The following RTN1 variants were observed in gnomAD, a reference collection of about 807,000 sequenced individuals.
RTN1 encodes the protein reticulon-1.
A neutral mutation model predicts 65.5 loss-of-function variants in RTN1; 25 were observed. The ratio of observed to expected loss-of-function variants is 0.38; its 90% confidence interval spans 0.28 to 0.53. RTN1 has a LOEUF of 0.53. Ranked by LOEUF, RTN1 falls within the 20% of genes least tolerant of loss-of-function variation. RTN1 has a pLI of 0.79. For synonymous variants in RTN1, 471 were observed against 447.6 expected (o/e 1.05, Z -0.66); for missense variants, 983 against 1,025.4 (o/e 0.96, Z 0.57).
chr14:59,710,524 G>A (rs577817879), intron 3 of RTN1, among the ~76,000 whole-genome samples: 56 of 152,346 alleles, frequency 3.7e-4, no homozygotes, highest in African/African-American at 1.3e-3. Flanking sequence ...TGTTGAGCAT[G>A]GGGGGAATAA....
In RTN1 at chr14:59,603,096, C is replaced by A; in HGVS notation, c.2257G>T (p.Val753Leu). ...QAQIDQYLGL[V>L]RTHINAVVAK... ...ACAACAGCATTTATGTGAGTCCTCACAAGTCCCAGATATTGGTCAATCTGT... is the reference window on the plus strand; with the variant it reads ...ACAACAGCATTTATGTGAGTCCTCAAAAGTCCCAGATATTGGTCAATCTGT... The change falls in exon 8 of 9, where the codon GTG (valine) becomes TTG (leucine). Residue 753 changes from valine (V) to leucine (L), a missense_variant. Around this residue, in one of 2 missense-constraint regions of RTN1, gnomAD observed 165 missense variants for 223.6 expected, o/e 0.74. Coordinates refer to ENST00000267484, the MANE Select transcript of RTN1 (RefSeq NM_021136.3). The A allele has an allele frequency of 6.2e-7, 1 of 1,613,398 alleles. No individual in the cohort carries two copies. Among genetic ancestry groups the A allele is most frequent in the Non-Finnish European group, 8.5e-7 (1 of 1,179,744 alleles).
chr14:59,835,536 C>A (rs972587498), intron 1 of RTN1, among the ~76,000 whole-genome samples: 3 of 152,182 alleles, frequency 2.0e-5, no homozygotes, highest in Admixed American at 6.5e-5. Context: ...TGTTCAGCAA[C>A]TTCTCTGTTC....
chr14:59,745,861 T>C lies in RTN1; in HGVS notation c.862A>G (p.Ile288Val), dbSNP rs762444306. The C allele has an allele frequency of 1.7e-5, 28 of 1,614,010 alleles. No individual in the cohort carries two copies. Among genetic ancestry groups the C allele is most frequent in the Non-Finnish European group, 2.3e-5 (27 of 1,180,022 alleles). The part of the protein sequence containing the change: ...TTPVKITLTE[I>V]EPSVETTTQE... The stretch of plus-strand genomic sequence containing the variant: ...GTAGTGGTTTCAACAGAAGGTTCTA[T>C]TTCCGTCAGTGTGATTTTGACAGGG... The change falls in exon 2 of 9, where the codon ATA becomes GTA. Residue 288 changes from isoleucine (I) to valine (V), a missense_variant. Ile to Val is a conservative substitution (Grantham distance 29). Around this residue, in one of 2 missense-constraint regions of RTN1, gnomAD observed 818 missense variants for 801.8 expected, o/e 1.02. Transcript: ENST00000267484.
intron 1 of RTN1, among the ~76,000 whole-genome samples, chr14:59,760,799 G>A (rs1334458135): frequency 2.0e-5 from 3 of 152,124 alleles, no homozygotes; most frequent in Non-Finnish European, 4.4e-5. Flanking sequence ...TTTTTGTTTG[G>A]TAAGTACTTA....
At position 59,605,429 on chromosome 14, in the gene RTN1, T is replaced by C; in HGVS notation, c.2051A>G (p.Asn684Ser). 6.2e-7 allele frequency: 1 copy of C among 1,614,214 alleles called. No homozygotes were observed. Among genetic ancestry groups the C allele is most frequent in the Non-Finnish European group, 8.5e-7 (1 of 1,180,014 alleles). The change falls in exon 5 of 9, where the codon AAC (asparagine) becomes AGC (serine). Residue 684 changes from asparagine (N) to serine (S), a missense_variant. Asn to Ser is a conservative substitution (Grantham distance 46, BLOSUM62 1). Coordinates refer to ENST00000267484, the MANE Select transcript of RTN1 (RefSeq NM_021136.3). Reference sequence around the variant, plus strand: ...CCTCCTCAGTTCCTTAAGTGTGCTGTTCACGTAGAACTGCAGGCAGTCCGT... The same window carrying C: ...CCTCCTCAGTTCCTTAAGTGTGCTGCTCACGTAGAACTGCAGGCAGTCCGT... Reference protein sequence around the residue: ...KYTDCLQFYVNSTLKELRRLF... With the variant: ...KYTDCLQFYVSSTLKELRRLF...
chr14:59,869,145 C>A (rs1384515093), intron 1 of RTN1, among the ~76,000 whole-genome samples: 4 of 152,112 alleles, frequency 2.6e-5, no homozygotes, highest in Admixed American at 6.5e-5. Context: ...ATTCTCCAAA[C>A]CTCTTTTCCC....
chr14:59,660,505 G>A (rs1010347938), intron 3 of RTN1, among the ~76,000 whole-genome samples: 1 of 152,134 alleles, frequency 6.6e-6, no homozygotes, highest in Non-Finnish European at 1.5e-5. Context: ...ACACTCTTCA[G>A]CAAATGCAAA....
intron 3 of RTN1, among the ~76,000 whole-genome samples, chr14:59,648,337 T>C (rs1231612748): frequency 6.6e-6 from 1 of 152,172 alleles, no homozygotes; most frequent in Non-Finnish European, 1.5e-5. Flanking sequence ...CCAGATGGAT[T>C]CACAGCTGCA....
At chr14:59,639,927 T>A (rs1474094584) in intron 3 of RTN1, among the ~76,000 whole-genome samples, 1 of 152,236 alleles carries the variant, frequency 6.6e-6, no homozygotes, top group Non-Finnish European at 1.5e-5. Context: ...TTGGATTCAA[T>A]ATGCTAATAT....
At chr14:59,777,798 A>AAACAAC (rs778447347) in intron 1 of RTN1, among the ~76,000 whole-genome samples, 2 of 149,962 alleles carry the variant, frequency 1.3e-5, no homozygotes, top group African/African-American at 4.9e-5. Context: ...AGTCAAGACA[A>AAACAAC]AACAACAACA....
At chr14:59,714,589 A>G (rs1445347974) in intron 3 of RTN1, among the ~76,000 whole-genome samples, 2 of 152,170 alleles carry the variant, frequency 1.3e-5, no homozygotes, top group East Asian at 3.8e-4. Flanking sequence ...TGTAACCCAT[A>G]TCATCTCCAC....
intron 3 of RTN1, among the ~76,000 whole-genome samples, chr14:59,619,619 T>G (rs1882200811): frequency 6.6e-6 from 1 of 151,954 alleles, no homozygotes; most frequent in South Asian, 2.1e-4. Flanking sequence ...GCCATGAGAG[T>G]GGAGGAAATC....
chr14:59,745,733 A>T lies in RTN1; in HGVS notation c.990T>A (p.Ser330=), dbSNP rs138557329. 1 of 1,609,994 alleles carries T rather than the reference A, an allele frequency of 6.2e-7. No homozygotes were observed. The highest frequency in any genetic ancestry group is 2.2e-5 in the East Asian group (1 of 44,866). ...CTGTTCCAGAAGATGGAGGGGTGAT[A>T]GATCCTGGGCTGTCGTCTTCAGGCT... ...VSEPEDDSPG[S]ITPPSSGTEP... Residue 330 remains serine (S), a synonymous_variant, in exon 2 of 9, where the codon TCT becomes TCA. Coordinates refer to ENST00000267484, the MANE Select transcript of RTN1 (RefSeq NM_021136.3).
intron 1 of RTN1, among the ~76,000 whole-genome samples, chr14:59,851,570 A>G (rs1293688567): frequency 6.6e-6 from 1 of 152,200 alleles, no homozygotes; most frequent in Non-Finnish European, 1.5e-5. Flanking sequence ...ATAAGAATAA[A>G]CCAATTTGGC....
chr14:59,836,874 G>A lies in RTN1; in HGVS notation c.241+33516C>T, dbSNP rs1283173122. Among the ~76,000 whole-genome samples the A allele has an allele frequency of 1.3e-5, 2 of 152,116 alleles. No homozygotes were observed. Among genetic ancestry groups the A allele is most frequent in the African/African-American group, 4.8e-5 (2 of 41,424 alleles). On this transcript the variant is annotated intron_variant, in intron 1 of 8. Coordinates refer to ENST00000267484, the MANE Select transcript of RTN1 (RefSeq NM_021136.3). This position sits in a 1 kb window ranked among gnomAD's most constrained non-coding sequence, Gnocchi z 4.9. Reference sequence around the variant, plus strand: ...AAATTACAGAACCTATGTTATAAAAGCTGTCAAACTCTTCTGAAAAACATA... The same window carrying A: ...AAATTACAGAACCTATGTTATAAAAACTGTCAAACTCTTCTGAAAAACATA...
chr14:59,609,325 TTTC>T (rs1881871543), intron 3 of RTN1, among the ~76,000 whole-genome samples: 1 of 151,860 alleles, frequency 6.6e-6, no homozygotes, highest in African/African-American at 2.4e-5. Context: ...GCCTAATCCT[TTTC>T]TTTTTTTTTT....
chr14:59,870,283 C>G lies in RTN1; in HGVS notation c.241+107G>C. On this transcript the variant is annotated intron_variant, in intron 1 of 8. Coordinates refer to ENST00000267484, the MANE Select transcript of RTN1 (RefSeq NM_021136.3). This position sits in a 1 kb window ranked among gnomAD's most constrained non-coding sequence, Gnocchi z 5.1. Reference sequence around the variant, plus strand: ...GCGACGCGGGGGTGGGGTCGGCGCTCAAGGCAGAAAGCGCGAGGCAGGTGC... The same window carrying G: ...GCGACGCGGGGGTGGGGTCGGCGCTGAAGGCAGAAAGCGCGAGGCAGGTGC... The G allele has an allele frequency of 8.4e-7, 1 of 1,193,664 alleles. No homozygotes were observed. Among genetic ancestry groups the G allele is most frequent in the Non-Finnish European group, 1.1e-6 (1 of 930,034 alleles). 73.9% of individuals were successfully genotyped at this position (1,193,664 alleles called of 1,614,324 possible).
At chr14:59,860,896 GC>G (rs1235938370) in intron 1 of RTN1, among the ~76,000 whole-genome samples, 1 of 152,160 alleles carries the variant, frequency 6.6e-6, no homozygotes, top group Non-Finnish European at 1.5e-5. Context: ...ATTTAGAATG[GC>G]TATATTTACC....
chr14:59,679,127 C>G (rs1883690367), intron 3 of RTN1, among the ~76,000 whole-genome samples: 1 of 152,100 alleles, frequency 6.6e-6, no homozygotes, highest in Non-Finnish European at 1.5e-5. Context: ...AGAAAAAGGC[C>G]AAGATAATCC....
Sources: allele counts gnomAD v4.1 joint callset (sites outside exome capture counted in the v4.1 genomes callset), GRCh38; gene constraint gnomAD v4.1.1; regional missense constraint gnomAD v4.1.1; non-coding constraint Gnocchi (gnomAD v3.1); transcripts MANE v1.5; gene names NCBI Gene and HGNC (gene_info 2026-07-23, HGNC 2026-07-21).